Variants in EIF4E2 observed in about 807,000 individuals in gnomAD.
The protein encoded by EIF4E2 is eukaryotic translation initiation factor 4E family member 2.
Under a neutral mutation model 34.2 loss-of-function variants are expected in EIF4E2, and 13 were observed. The ratio of observed to expected loss-of-function variants is 0.38; its 90% CI spans 0.25 to 0.60. The LOEUF (loss-of-function observed/expected upper bound fraction) is 0.60, where lower values mean the gene tolerates loss of function less well. Among genes scored for constraint, EIF4E2 ranks in the 20% least tolerant of loss-of-function variants. EIF4E2 has a pLI of 0.62. For synonymous variants in EIF4E2, 100 were observed against 106.6 expected, an observed-to-expected ratio of 0.94 and a Z score of 0.38; for missense variants, 222 against 315.1, an observed-to-expected ratio of 0.70 and a Z score of 2.24.
intron 3 of EIF4E2, chr2:232,558,336 A>C: frequency 5.8e-6 from 1 of 173,116 alleles, no homozygotes. Context: ...CCAGGCTGGA[A>C]TGCAGTGGTA....
chr2:232,559,476 A>G (rs151026369), intron 3 of EIF4E2, among the ~76,000 whole-genome samples: 218 of 152,318 alleles, frequency 1.4e-3, no homozygotes, highest in African/African-American at 5.0e-3. Flanking sequence ...AGAAACTAGA[A>G]AAGAATACTC....
chr2:232,557,265 T>C (rs1205267659), intron 2 of EIF4E2, among the ~76,000 whole-genome samples: 2 of 152,004 alleles, frequency 1.3e-5, no homozygotes, highest in East Asian at 3.9e-4. Context: ...CAAAGAAATA[T>C]CAAAGCAATC....
intron 1 of EIF4E2, among the ~76,000 whole-genome samples, chr2:232,552,404 G>T (rs1692371155): frequency 6.6e-6 from 1 of 152,016 alleles, no homozygotes; most frequent in Non-Finnish European, 1.5e-5. Context: ...GTAGAGACGG[G>T]GTTTCGCCAT....
downstream of EIF4E2, among the ~76,000 whole-genome samples, chr2:232,572,657 C>G (rs527846469): frequency 6.6e-6 from 1 of 152,162 alleles, no homozygotes; most frequent in Non-Finnish European, 1.5e-5. Flanking sequence ...CCATGGTGCC[C>G]GGCTGTGAGG....
chr2:232,553,212 C>T (rs1053260260), intron 1 of EIF4E2, among the ~76,000 whole-genome samples: 2 of 66,254 alleles, frequency 3.0e-5, no homozygotes, highest in Non-Finnish European at 5.4e-5. Flanking sequence ...CTATTGATAA[C>T]GTAAAACCGT....
In EIF4E2 at chr2:232,557,671, A is replaced by G. The variant is rs1692572116; in HGVS notation, c.136-213A>G. 1.2e-5 allele frequency: 7 copies of G among 580,042 alleles called. No individual in the cohort carries two copies. In the East Asian group the frequency reaches 2.0e-4, roughly 17 times the overall value. 35.9% of individuals were successfully genotyped at this position (580,042 alleles called of 1,614,324 possible). On this transcript the variant is annotated intron_variant, in intron 2 of 6. Transcript: ENST00000258416. ...TGAGGGAGAAAGTTACAAAGGCCAT[A>G]AGAACACAGGTAAAGTGTTTCAGGA...
At chr2:232,550,824 G>A in intron 1 of EIF4E2, 80 bp downstream of exon 1, 4 of 1,354,128 alleles carry the variant, frequency 3.0e-6, no homozygotes, top group Middle Eastern at 2.0e-4. Context: ...CTGGGGCGGC[G>A]CAAACCCTGC....
intron 3 of EIF4E2, among the ~76,000 whole-genome samples, chr2:232,562,088 A>G (rs994158700): frequency 6.6e-6 from 1 of 151,980 alleles, no homozygotes; most frequent in Non-Finnish European, 1.5e-5. Context: ...GGTGGTGCCC[A>G]CTTGTGGTCC....
At chr2:232,567,314 G>A in intron 6 of EIF4E2, 100 bp downstream of exon 6, 6 of 1,564,160 alleles carry the variant, frequency 3.8e-6, no homozygotes, top group Non-Finnish European at 5.2e-6. Flanking sequence ...AGACTTACTT[G>A]TGGAGAAGGG....
chr2:232,555,598 T>C (rs1692490665), intron 1 of EIF4E2, among the ~76,000 whole-genome samples: 1 of 152,194 alleles, frequency 6.6e-6, no homozygotes, highest in South Asian at 2.1e-4. Context: ...CATCTTGCCC[T>C]GGGTGCTGGA....
chr2:232,564,039 A>G (rs1247660721), intron 3 of EIF4E2, among the ~76,000 whole-genome samples: 2 of 152,144 alleles, frequency 1.3e-5, no homozygotes, highest in African/African-American at 4.8e-5. Flanking sequence ...CGAATGTTAC[A>G]TTTTTTATTT....
chr2:232,566,939 T>C lies in EIF4E2; in HGVS notation c.486T>C (p.Val162=), dbSNP rs896737058. 3.1e-6 allele frequency: 5 copies of C among 1,608,578 alleles called. No homozygotes were observed. The highest frequency in any genetic ancestry group is 1.3e-5 in the African/African-American group (1 of 74,864). ...ILAMLGEQFM[V]GEEICGAVVS... ...CCATGCTGGGGGAACAGTTCATGGT[T>C]GGGGAGGAGATCTGTGGGGCTGTGG... The change falls in exon 5 of 7, where the codon GTT becomes GTC. Residue 162 remains valine, a synonymous_variant. Transcript: ENST00000258416. This position sits in a 1 kb window ranked among gnomAD's most constrained non-coding sequence, Gnocchi z 4.9.
At chr2:232,574,292 ACAG>A in intron 6 of EIF4E2, 1 of 1,550,506 alleles carries the variant, frequency 6.4e-7, no homozygotes. Context: ...GGCCTGGTGA[ACAG>A]CAGCGGCCGC....
chr2:232,583,220 T>A (rs902019038), exon 7 of EIF4E2: 1 of 152,132 alleles, frequency 6.6e-6, no homozygotes, highest in African/African-American at 2.4e-5. Flanking sequence ...AGAGTCGGTC[T>A]CCGCTTTGCA....
At chr2:232,573,841 CAGTG>C (rs745531144), downstream of EIF4E2, 180 of 354,210 alleles carry the variant, frequency 5.1e-4, no homozygotes, top group Non-Finnish European at 8.3e-4. Context: ...CCTTTACCCT[CAGTG>C]AGGCCTGATG....
intron 1 of EIF4E2, among the ~76,000 whole-genome samples, chr2:232,552,480 G>A (rs562108259): frequency 4.6e-5 from 7 of 152,272 alleles, no homozygotes; most frequent in African/African-American, 1.4e-4. Context: ...AAAGTGCTGG[G>A]ATTACAGGCA....
chr2:232,573,071 C>T (rs180760574), downstream of EIF4E2, among the ~76,000 whole-genome samples: 136 of 152,336 alleles, frequency 8.9e-4, 1 homozygote, highest in African/African-American at 2.9e-3. Flanking sequence ...CATCACATCA[C>T]CATCTTTCCA....
chr2:232,567,006 G>A (rs749329409), intron 5 of EIF4E2, 25 bp downstream of exon 5: 3 of 1,591,234 alleles, frequency 1.9e-6, no homozygotes. Flanking sequence ...AGCCAGGCTG[G>A]TTTCTTGTGT....
At chr2:232,570,159 T>C (rs1158270554), downstream of EIF4E2, among the ~76,000 whole-genome samples, 4 of 152,220 alleles carry the variant, frequency 2.6e-5, no homozygotes, top group Non-Finnish European at 2.9e-5. Context: ...AGTGATACCC[T>C]GTGCTTGTAC....
Sources: gnomAD v4.1 joint callset for allele counts (sites outside exome capture counted in the v4.1 genomes callset) on GRCh38, gnomAD v4.1.1 for gene constraint, Gnocchi (gnomAD v3.1) non-coding constraint, MANE v1.5 for transcripts, NCBI Gene and HGNC (gene_info 2026-07-23, HGNC 2026-07-21) for gene names.